Variants in TCEANC2 observed in about 807,000 individuals in gnomAD.
TCEANC2 encodes transcription elongation factor A N-terminal and central domain-containing protein 2.
In TCEANC2, 20 loss-of-function variants were observed where a neutral mutation model predicts 22.8. That is an observed-to-expected ratio of 0.88 (90% confidence interval 0.62 to 1.28). The LOEUF is 1.28. TCEANC2 is among the 50% of genes most tolerant of loss of function. TCEANC2 has a pLI of 0.00. For synonymous variants in TCEANC2, 84 were observed against 95.5 expected (o/e 0.88, Z 0.70); for missense variants, 251 against 249.7 (o/e 1.01, Z -0.03).
At chr1:54,056,939 G>A (rs909357541) in intron 2 of TCEANC2, among the ~76,000 whole-genome samples, 13 of 151,806 alleles carry the variant, frequency 8.6e-5, no homozygotes, top group African/African-American at 3.1e-4. Flanking sequence ...CTACTTGGGA[G>A]GCTGAGCTGG....
chr1:54,071,045 A>G (rs1440222151), intron 3 of TCEANC2, among the ~76,000 whole-genome samples: 2 of 152,174 alleles, frequency 1.3e-5, no homozygotes, highest in African/African-American at 4.8e-5. Context: ...GGGAGAGAAC[A>G]TGGTGCATTC....
chr1:54,079,143 G>T (rs1054279670), intron 3 of TCEANC2, among the ~76,000 whole-genome samples: 4 of 152,058 alleles, frequency 2.6e-5, no homozygotes, highest in Non-Finnish European at 5.9e-5. Context: ...AATATTCTGG[G>T]AAAAGTTTTG....
At chr1:54,054,332 C>G (rs1557684048) in intron 1 of TCEANC2, 49 bp from the exon 2 acceptor site, 1 of 1,546,938 alleles carries the variant, frequency 6.5e-7, no homozygotes, top group South Asian at 1.2e-5. Context: ...GAAAAAATAT[C>G]ATGGCAGTCT....
rs189738690 is a variant in TCEANC2, at chr1:54,099,341, G to T, written c.*2868G>T. The T allele has an allele frequency of 1.3e-5, 2 of 152,202 alleles. No homozygotes were observed. The highest frequency in any genetic ancestry group is 4.8e-5 in the African/African-American group (2 of 41,460). The allele number at this position is 152,202 out of a possible 1,614,324, so 9.4% of individuals were successfully genotyped here. ...ATGCATGTGCAGAATTTCCATGAAC[G>T]CTAATGGAGCTATTCTGAGCATTTG... On this transcript the variant is annotated 3_prime_UTR_variant, in exon 5 of 5. Transcript: ENST00000234827.
At chr1:54,061,573 A>G (rs1021302753) in intron 2 of TCEANC2, among the ~76,000 whole-genome samples, 7 of 152,214 alleles carry the variant, frequency 4.6e-5, no homozygotes, top group African/African-American at 1.4e-4. Flanking sequence ...AACTCTTTAA[A>G]TCTTAATAAT....
intron 4 of TCEANC2, among the ~76,000 whole-genome samples, chr1:54,092,414 G>A (rs983186734): frequency 2.0e-5 from 3 of 152,196 alleles, no homozygotes; most frequent in South Asian, 4.1e-4. Context: ...AGTGGAGCCC[G>A]CCTTTGTAAG....
At chr1:54,089,383 T>TAA (rs1658399937) in intron 4 of TCEANC2, among the ~76,000 whole-genome samples, 1 of 152,200 alleles carries the variant, frequency 6.6e-6, no homozygotes, top group South Asian at 2.1e-4. Flanking sequence ...TCTTTAGCTT[T>TAA]AAGGCATAAA....
intron 3 of TCEANC2, among the ~76,000 whole-genome samples, chr1:54,085,192 A>G (rs544525250): frequency 6.6e-6 from 1 of 151,810 alleles, no homozygotes; most frequent in African/African-American, 2.4e-5. Context: ...TTATTTTTCA[A>G]CTCCAGGATT....
At chr1:54,076,008 A>G (rs756793975) in intron 3 of TCEANC2, among the ~76,000 whole-genome samples, 47 of 151,168 alleles carry the variant, frequency 3.1e-4, no homozygotes, top group Non-Finnish European at 3.7e-4. Flanking sequence ...AGCTTGGGCA[A>G]CAGAGCAAGA....
chr1:54,081,175 G>A (rs1364552525), intron 3 of TCEANC2, among the ~76,000 whole-genome samples: 2 of 152,116 alleles, frequency 1.3e-5, no homozygotes, highest in East Asian at 1.9e-4. Context: ...GTTGTTCTGA[G>A]GATTAAATGA....
rs1319841012 is a variant in TCEANC2 at position 54,088,800 on chromosome 1, TA to T, written c.438+13del. 6.4e-7 allele frequency: 1 copy of T among 1,554,300 alleles called. No homozygotes were observed. The highest frequency in any genetic ancestry group is 1.4e-5 in the African/African-American group (1 of 71,986). On this transcript the variant is annotated intron_variant, in intron 4 of 4. Coordinates refer to ENST00000234827, the MANE Select transcript of TCEANC2 (RefSeq NM_153035.3). The stretch of plus-strand genomic sequence containing the variant: ...AGCCTTGGAATTAAAGGTAATGCCC[TA>T]AATATATACAACTGTTATGTACCCA...
In TCEANC2 at chr1:54,096,633, A is replaced by T. The variant is rs990688388; in HGVS notation, c.*160A>T. ...GACAGAGGATTCGGAGAGCCCTAGG[A>T]GACAGGCCTGCAGGAATGTGCTTCA... On this transcript the variant is annotated 3_prime_UTR_variant, in exon 5 of 5. Coordinates refer to ENST00000234827, the MANE Select transcript of TCEANC2 (RefSeq NM_153035.3). The surrounding 1 kb of genome is among the most constrained non-coding windows in gnomAD (Gnocchi z 4.9). 3 of 1,366,376 alleles carry T rather than the reference A, an allele frequency of 2.2e-6. No individual in the cohort carries two copies. In the Admixed American group the frequency reaches 8.8e-5, roughly 40 times the overall value. 84.6% of individuals were successfully genotyped at this position (1,366,376 alleles called of 1,614,324 possible).
downstream of TCEANC2, among the ~76,000 whole-genome samples, chr1:54,106,923 CAG>C (rs913446289): frequency 1.5e-4 from 23 of 152,208 alleles, no homozygotes; most frequent in Admixed American, 6.5e-5. Flanking sequence ...GGCAAAAATA[CAG>C]AGAGTTCATG....
At chr1:54,080,776 G>A (rs7556423) in intron 3 of TCEANC2, among the ~76,000 whole-genome samples, 14,773 of 152,240 alleles carry the variant, frequency 0.097, 1,698 homozygotes, top group African/African-American at 0.28. Flanking sequence ...ACAGTGTGCT[G>A]GGATGCAGAA....
intron 3 of TCEANC2, among the ~76,000 whole-genome samples, chr1:54,087,411 T>C (rs1658359645): frequency 6.6e-6 from 1 of 152,240 alleles, no homozygotes; most frequent in Non-Finnish European, 1.5e-5. Flanking sequence ...CCACTTCATC[T>C]TTCCCTTTTT....
intron 2 of TCEANC2, among the ~76,000 whole-genome samples, chr1:54,067,100 G>A (rs1344981852): frequency 6.6e-6 from 1 of 152,216 alleles, no homozygotes; most frequent in African/African-American, 2.4e-5. Context: ...TGGGGTTGGT[G>A]GACAGAGATC....
intron 2 of TCEANC2, among the ~76,000 whole-genome samples, chr1:54,064,399 A>G (rs1657910147): frequency 1.3e-5 from 2 of 152,112 alleles, no homozygotes; most frequent in African/African-American, 4.8e-5. Context: ...AGCTGGCTCA[A>G]GCAGCCTCAA....
intron 4 of TCEANC2, chr1:54,090,220 TA>T (rs1352748466): frequency 2.5e-5 from 5 of 202,448 alleles, no homozygotes; most frequent in Non-Finnish European, 4.1e-5. Flanking sequence ...TTTGAAACCT[TA>T]AAAAACTAAA....
intron 3 of TCEANC2, among the ~76,000 whole-genome samples, chr1:54,087,679 C>T (rs1256490701): frequency 3.3e-5 from 5 of 152,144 alleles, no homozygotes; most frequent in Non-Finnish European, 7.3e-5. Flanking sequence ...AATCACACGT[C>T]GCATTTGGTA....
Sources: allele counts gnomAD v4.1 joint callset (sites outside exome capture counted in the v4.1 genomes callset), GRCh38; gene constraint gnomAD v4.1.1; non-coding constraint Gnocchi (gnomAD v3.1); transcripts MANE v1.5; gene names NCBI Gene and HGNC (gene_info 2026-07-23, HGNC 2026-07-21).